The following PKNOX2 variants were observed in gnomAD, a reference collection of about 807,000 sequenced individuals.
The protein encoded by PKNOX2 is PBX/knotted 1 homeobox 2.
Under a neutral mutation model 53.1 loss-of-function variants are expected in PKNOX2, and 14 were observed. The observed-to-expected ratio is 0.26, with a 90% CI of 0.17 to 0.41. PKNOX2 has a LOEUF of 0.41. PKNOX2 is among the 10% of genes least tolerant of loss of function. The pLI is 1.00. For missense variants in PKNOX2, 496 were observed against 602.8 expected (o/e 0.82, Z 1.85); for synonymous variants, 257 against 242.8 (o/e 1.06, Z -0.54).
In PKNOX2 at chr11:125,422,799, TCATAGTA is replaced by T. The variant is rs1166661372; in HGVS notation, c.937-6209_937-6203del. On this transcript the variant is annotated intron_variant, in intron 10 of 12. Coordinates refer to ENST00000298282, the MANE Select transcript of PKNOX2 (RefSeq NM_001382323.2). The surrounding 1 kb of genome is among the most constrained non-coding windows in gnomAD (Gnocchi z 4.1). ...CTCAGGTTAGGATAAAATGTCCCCA[TCATAGTA>T]CATGCAGGAAATAAAACCCATTTGA... 8.5e-5 allele frequency among the ~76,000 whole-genome samples: 13 copies of T among 152,072 alleles called. No homozygotes were observed. The highest frequency in any genetic ancestry group is 2.9e-4 in the African/African-American group (12 of 41,394).
chr11:125,429,208 A>G, intron 11 of PKNOX2, 120 bp downstream of exon 11: 1 of 949,644 alleles, frequency 1.1e-6, no homozygotes, highest in Non-Finnish European at 1.6e-6. Context: ...CAGCCCAGCT[A>G]CCATGCCAGT....
intron 5 of PKNOX2, among the ~76,000 whole-genome samples, chr11:125,382,553 A>G (rs1258121402): frequency 6.6e-6 from 1 of 152,110 alleles, no homozygotes; most frequent in African/African-American, 2.4e-5. Flanking sequence ...GGCAGCAGGC[A>G]TCTGTTGAGA....
At chr11:125,282,287 C>T (rs554435190) in intron 2 of PKNOX2, among the ~76,000 whole-genome samples, 79 of 152,342 alleles carry the variant, frequency 5.2e-4, no homozygotes, top group African/African-American at 1.8e-3. Flanking sequence ...TACTAAGAAT[C>T]TTAGTTCCTG....
chr11:125,422,932 C>T lies in PKNOX2; in HGVS notation c.937-6080C>T, dbSNP rs888932740. On this transcript the variant is annotated intron_variant, in intron 10 of 12. Coordinates refer to ENST00000298282, the MANE Select transcript of PKNOX2 (RefSeq NM_001382323.2). The surrounding 1 kb of genome is among the most constrained non-coding windows in gnomAD (Gnocchi z 4.1). ...GCTTCTTCAGAGACACAGCCACATG[C>T]GTCAAGCTACAGACTTATTTGTTAT... Among the ~76,000 whole-genome samples the T allele has an allele frequency of 1.3e-5, 2 of 152,208 alleles. No individual in the cohort carries two copies. The highest frequency in any genetic ancestry group is 3.4e-3 in the Middle Eastern group (1 of 294).
chr11:125,342,948 C>A (rs866031380), intron 3 of PKNOX2, among the ~76,000 whole-genome samples: 3 of 152,140 alleles, frequency 2.0e-5, no homozygotes, highest in Non-Finnish European at 2.9e-5. Context: ...GGCCTCCCCA[C>A]CTCTCCCACT....
At chr11:125,406,761 T>TG (rs1426219731) in intron 7 of PKNOX2, among the ~76,000 whole-genome samples, 6 of 151,832 alleles carry the variant, frequency 4.0e-5, no homozygotes, top group Non-Finnish European at 5.9e-5. Context: ...GCTGACCCCA[T>TG]GGGGTGATGG....
chr11:125,167,112 AG>A (rs1220810148), intron 1 of PKNOX2, among the ~76,000 whole-genome samples: 8 of 137,386 alleles, frequency 5.8e-5, no homozygotes, highest in African/African-American at 2.2e-4. Flanking sequence ...GCTTGGGCCT[AG>A]CTGTGGGGTG....
chr11:125,235,916 G>A (rs1268954251), intron 2 of PKNOX2, among the ~76,000 whole-genome samples: 3 of 152,112 alleles, frequency 2.0e-5, no homozygotes, highest in Non-Finnish European at 4.4e-5. Flanking sequence ...CAGCCTAGTC[G>A]CTCTTTAGTA....
chr11:125,314,231 G>T (rs1336590069), intron 2 of PKNOX2, among the ~76,000 whole-genome samples: 3 of 152,130 alleles, frequency 2.0e-5, no homozygotes, highest in Non-Finnish European at 2.9e-5. Context: ...AATCACCAAA[G>T]AGAGGCACCT....
intron 10 of PKNOX2, among the ~76,000 whole-genome samples, chr11:125,428,215 G>A (rs1468938752): frequency 2.0e-5 from 3 of 152,258 alleles, no homozygotes; most frequent in East Asian, 3.9e-4. Context: ...TGCAGCATGT[G>A]GGGGACTGAG....
chr11:125,429,146 G>A, intron 11 of PKNOX2, 58 bp downstream of exon 11: 1 of 1,489,436 alleles, frequency 6.7e-7, no homozygotes, highest in African/African-American at 1.4e-5. Flanking sequence ...TTCTGGGCAG[G>A]GGAATGCGTA....
At chr11:125,405,021 G>A (rs912578999) in intron 7 of PKNOX2, among the ~76,000 whole-genome samples, 1 of 152,228 alleles carries the variant, frequency 6.6e-6, no homozygotes, top group Non-Finnish European at 1.5e-5. Flanking sequence ...TGGTGAGTGT[G>A]GTCTGAGCCG....
intron 2 of PKNOX2, among the ~76,000 whole-genome samples, chr11:125,303,584 A>G (rs1948228294): frequency 6.6e-6 from 1 of 152,170 alleles, no homozygotes; most frequent in South Asian, 2.1e-4. Context: ...GTCAACTCCA[A>G]GGTTCCCCGG....
At chr11:125,401,742 T>TGAGA (rs772852523) in intron 7 of PKNOX2, among the ~76,000 whole-genome samples, 1 of 150,940 alleles carries the variant, frequency 6.6e-6, no homozygotes, top group Admixed American at 6.6e-5. Context: ...GGAGCCTGTA[T>TGAGA]GAGAGAGAGA....
intron 2 of PKNOX2, among the ~76,000 whole-genome samples, chr11:125,300,327 G>C (rs1477251162): frequency 1.3e-5 from 2 of 152,176 alleles, no homozygotes; most frequent in Non-Finnish European, 2.9e-5. Flanking sequence ...TTTGAATACT[G>C]TGCCTGGCAC....
At chr11:125,312,989 G>T (rs1023866836) in intron 2 of PKNOX2, among the ~76,000 whole-genome samples, 5 of 152,206 alleles carry the variant, frequency 3.3e-5, no homozygotes, top group Non-Finnish European at 7.3e-5. Flanking sequence ...AGGCAGGGGG[G>T]AGGCTGCAGA....
At chr11:125,222,757 GTA>G (rs1378594968) in intron 1 of PKNOX2, among the ~76,000 whole-genome samples, 1 of 150,238 alleles carries the variant, frequency 6.7e-6, no homozygotes, top group African/African-American at 2.5e-5. Flanking sequence ...GTGTGCCTGT[GTA>G]TGTGTGTATG....
chr11:125,351,257 G>A, intron 3 of PKNOX2, 27 bp from the exon 4 acceptor site: 1 of 954,478 alleles, frequency 1.0e-6, no homozygotes, highest in South Asian at 1.4e-5. Context: ...GGTGTTAACG[G>A]TGCGGCCCCC....
In PKNOX2 at chr11:125,432,972, T is replaced by C. The variant is rs1174712196; in HGVS notation, c.*1580T>C. On this transcript the variant is annotated 3_prime_UTR_variant, in exon 13 of 13. Coordinates refer to ENST00000298282, the MANE Select transcript of PKNOX2 (RefSeq NM_001382323.2). ...TTCCGAGGTCTCCCTGAAATGAATG[T>C]ATTTCTCCCCCAAAAGAGCTGATAT... 2 of 152,664 alleles carry C rather than the reference T, an allele frequency of 1.3e-5. No homozygotes were observed. Among genetic ancestry groups the C allele is most frequent in the African/African-American group, 4.8e-5 (2 of 41,460 alleles). 9.5% of individuals were successfully genotyped at this position (152,664 alleles called of 1,614,324 possible).
Sources: gnomAD v4.1 joint callset for allele counts (sites outside exome capture counted in the v4.1 genomes callset) on GRCh38, gnomAD v4.1.1 for gene constraint, Gnocchi (gnomAD v3.1) non-coding constraint, MANE v1.5 for transcripts, NCBI Gene and HGNC (gene_info 2026-07-23, HGNC 2026-07-21) for gene names.